Variants in NAV2 observed in about 807,000 individuals in gnomAD.
The protein encoded by NAV2 is helicase, APC down-regulated 1.
Under a neutral mutation model 223.2 loss-of-function variants are expected in NAV2, and 54 were observed. The ratio of observed to expected loss-of-function variants is 0.24; its 90% confidence interval spans 0.19 to 0.30. The LOEUF (loss-of-function observed/expected upper bound fraction) is 0.30. Among genes scored for constraint, NAV2 ranks in the 10% least tolerant of loss-of-function variants. NAV2 has a pLI of 1.00. For synonymous variants in NAV2, 1,279 were observed against 1,239.3 expected (o/e 1.03, Z -0.67); for missense variants, 2,806 against 3,147.5 (o/e 0.89, Z 2.60).
chr11:20,029,524 T>C (rs1250713155), intron 11 of NAV2, among the ~76,000 whole-genome samples: 1 of 152,194 alleles, frequency 6.6e-6, no homozygotes, highest in East Asian at 1.9e-4. Context: ...TTTGCTCATC[T>C]CCCTATTTTA....
At chr11:19,964,810 T>C (rs1029351571) in intron 10 of NAV2, among the ~76,000 whole-genome samples, 2 of 56,114 alleles carry the variant, frequency 3.6e-5, no homozygotes, top group Admixed American at 3.6e-4. Context: ...CTCATTCTAC[T>C]TTTTTTTTTT....
intron 1 of NAV2, among the ~76,000 whole-genome samples, chr11:19,733,660 A>G (rs941481728): frequency 1.3e-5 from 2 of 152,200 alleles, no homozygotes; most frequent in Non-Finnish European, 2.9e-5. Context: ...GGATTTAGAT[A>G]TATGGGGAGA....
intron 1 of NAV2, among the ~76,000 whole-genome samples, chr11:19,516,966 T>C (rs1481688288): frequency 6.6e-6 from 1 of 151,984 alleles, no homozygotes; most frequent in Non-Finnish European, 1.5e-5. Flanking sequence ...TCCCAGCACT[T>C]TGGGAGGCTG....
At chr11:19,945,195 CCCTTCCCT>C (rs2046831015) in intron 8 of NAV2, among the ~76,000 whole-genome samples, 1 of 81,220 alleles carries the variant, frequency 1.2e-5, no homozygotes, top group South Asian at 5.0e-4. Flanking sequence ...CCCTTCCCTT[CCCTTCCCT>C]TTCTTTCCTT....
At chr11:19,864,627 C>T (rs2061982789) in intron 3 of NAV2, among the ~76,000 whole-genome samples, 1 of 152,194 alleles carries the variant, frequency 6.6e-6, no homozygotes, top group South Asian at 2.1e-4. Context: ...GAGACAAAGG[C>T]TGCAACACAG....
At chr11:19,643,826 G>A (rs562422987) in intron 1 of NAV2, among the ~76,000 whole-genome samples, 49 of 152,296 alleles carry the variant, frequency 3.2e-4, no homozygotes, top group African/African-American at 1.2e-3. Context: ...TCCAGCACCT[G>A]TTGTTTCCTG....
chr11:19,676,365 G>A (rs990005000), intron 1 of NAV2, among the ~76,000 whole-genome samples: 3 of 152,092 alleles, frequency 2.0e-5, no homozygotes, highest in African/African-American at 7.2e-5. Context: ...ATTCTCATTT[G>A]CAAAATGAAG....
intron 1 of NAV2, among the ~76,000 whole-genome samples, chr11:19,638,237 T>A (rs2047559326): frequency 6.6e-6 from 1 of 152,204 alleles, no homozygotes; most frequent in South Asian, 2.1e-4. Flanking sequence ...CCTTTGATAC[T>A]GGGAAGTTTG....
chr11:20,097,539 A>T (rs192353924), intron 30 of NAV2, 38 bp from the exon 31 acceptor site: 102 of 1,514,046 alleles, frequency 6.7e-5, no homozygotes, highest in Non-Finnish European at 9.7e-6. Context: ...GATTTTAGCC[A>T]CATCTTTGAT....
chr11:19,447,193 T>C (rs774371472), intron 1 of NAV2, among the ~76,000 whole-genome samples: 3 of 152,144 alleles, frequency 2.0e-5, no homozygotes, highest in Non-Finnish European at 2.9e-5. Context: ...ACAAAACTAG[T>C]TGGAAACATG....
chr11:19,815,983 T>C (rs886969944), intron 1 of NAV2, among the ~76,000 whole-genome samples: 1 of 152,218 alleles, frequency 6.6e-6, no homozygotes, highest in Admixed American at 6.5e-5. Context: ...AATTGTTCTT[T>C]TGTGCTCTGG....
At chr11:19,460,211 C>T (rs943244812) in intron 1 of NAV2, among the ~76,000 whole-genome samples, 8 of 152,156 alleles carry the variant, frequency 5.3e-5, no homozygotes, top group African/African-American at 1.9e-4. Context: ...TCTTGTGATC[C>T]AGGGACCTGA....
In NAV2 at chr11:19,730,444, C is replaced by T. The variant is rs1289189176; in HGVS notation, c.267+16482C>T. Among the ~76,000 whole-genome samples, 6 of 152,214 alleles carry T rather than the reference C, an allele frequency of 3.9e-5. No individual in the cohort carries two copies. In the East Asian group the frequency reaches 7.7e-4, roughly 20 times the overall value. On this transcript the variant is annotated intron_variant, in intron 1 of 37. Coordinates refer to ENST00000349880, the MANE Select transcript of NAV2 (RefSeq NM_145117.5). Reference sequence around the variant, plus strand: ...AAGCCCCTGAATGGACCCATTGAGGCTCCAGGGCAGGATGACAATGGGCCT... The same window carrying T: ...AAGCCCCTGAATGGACCCATTGAGGTTCCAGGGCAGGATGACAATGGGCCT...
chr11:19,810,791 G>A (rs2058798484), intron 1 of NAV2, among the ~76,000 whole-genome samples: 1 of 151,544 alleles, frequency 6.6e-6, no homozygotes. Context: ...TGGGATTTTG[G>A]CATCTGTATT....
chr11:19,400,679 CA>C (rs1849645897), intron 1 of NAV2, among the ~76,000 whole-genome samples: 2 of 152,214 alleles, frequency 1.3e-5, no homozygotes, highest in Non-Finnish European at 2.9e-5. Flanking sequence ...TACCCTTCTT[CA>C]AGACACTACT....
intron 3 of NAV2, among the ~76,000 whole-genome samples, chr11:19,846,344 T>C (rs560240332): frequency 8.6e-5 from 13 of 151,948 alleles, no homozygotes; most frequent in African/African-American, 2.9e-4. Context: ...GTACCTGGGG[T>C]GAAAGGAGGG....
At chr11:19,463,282 A>G (rs1472057749) in intron 1 of NAV2, among the ~76,000 whole-genome samples, 3 of 152,252 alleles carry the variant, frequency 2.0e-5, no homozygotes, top group African/African-American at 7.2e-5. Context: ...AGCACCTACT[A>G]TGTTTCAGGC....
rs139218374 is a variant in NAV2 at position 19,401,261 on chromosome 11, A to G, written c.75+50234A>G. On this transcript the variant is annotated intron_variant, in intron 1 of 37. Transcript: ENST00000360655. ...TAAGACAAAAGCATTGAATGACCAA[A>G]TTTCTTTTTCTTTGGGATATTCATG... Among the ~76,000 whole-genome samples the G allele has an allele frequency of 6.4e-3, 972 of 152,342 alleles. 30 individuals are homozygous for G. The highest frequency in any genetic ancestry group is 0.056 in the Admixed American group (864 of 15,298).
chr11:20,095,620 A>T, intron 29 of NAV2, 52 bp from the exon 30 acceptor site: 1 of 1,317,420 alleles, frequency 7.6e-7, no homozygotes, highest in Non-Finnish European at 1.1e-6. Flanking sequence ...TGCTGAACTG[A>T]GTCAGAAAAG....
Sources: gnomAD v4.1 joint callset for allele counts (sites outside exome capture counted in the v4.1 genomes callset) on GRCh38, gnomAD v4.1.1 for gene constraint, MANE v1.5 for transcripts, NCBI Gene and HGNC (gene_info 2026-07-23, HGNC 2026-07-21) for gene names.